The following MAGI2 variants were observed in gnomAD, a reference collection of about 807,000 sequenced individuals.
MAGI2 encodes membrane-associated guanylate kinase, WW and PDZ domain-containing protein 2.
Under a neutral mutation model 133.3 loss-of-function variants are expected in MAGI2, and 35 were observed. The ratio of observed to expected loss-of-function variants is 0.26; its 90% confidence interval spans 0.20 to 0.35. MAGI2 has a LOEUF of 0.35. Among genes scored for constraint, MAGI2 ranks in the 10% least tolerant of loss-of-function variants. The pLI, the probability that MAGI2 is intolerant of heterozygous loss-of-function variation, is 1.00. For synonymous variants in MAGI2, 729 were observed against 710.6 expected (o/e 1.03, Z -0.41); for missense variants, 1,636 against 1,863.4 (o/e 0.88, Z 2.25).
At chr7:79,308,324 G>A (rs558851134) in intron 1 of MAGI2, among the ~76,000 whole-genome samples, 6 of 152,198 alleles carry the variant, frequency 3.9e-5, no homozygotes, top group South Asian at 4.1e-4. Flanking sequence ...ACCAACATGC[G>A]TTCTCAGTAC....
At chr7:79,136,024 A>AGAAG (rs1355875679) in intron 1 of MAGI2, among the ~76,000 whole-genome samples, 67 of 126,948 alleles carry the variant, frequency 5.3e-4, no homozygotes, top group African/African-American at 1.5e-3. Flanking sequence ...AAAGAAAGAA[A>AGAAG]GAAGGAAAGA....
intron 10 of MAGI2, 168 bp downstream of exon 10, chr7:78,255,775 C>A: frequency 1.4e-6 from 1 of 723,276 alleles, no homozygotes; most frequent in South Asian, 1.7e-5. Flanking sequence ...ATTCTGAATT[C>A]AAAAACAAAG....
intron 3 of MAGI2, among the ~76,000 whole-genome samples, chr7:78,609,158 C>T (rs1038876281): frequency 8.5e-5 from 13 of 152,162 alleles, no homozygotes; most frequent in African/African-American, 2.4e-4. Flanking sequence ...AAGGGTGGGT[C>T]TGCCTTCCCC....
At chr7:78,544,339 A>G (rs1227379581) in intron 3 of MAGI2, among the ~76,000 whole-genome samples, 1 of 152,232 alleles carries the variant, frequency 6.6e-6, no homozygotes, top group African/African-American at 2.4e-5. Flanking sequence ...GAGTCAAGAC[A>G]TTGACTAAAA....
chr7:78,878,682 C>CTAGA (rs1795615424), intron 2 of MAGI2, among the ~76,000 whole-genome samples: 1 of 152,098 alleles, frequency 6.6e-6, no homozygotes, highest in African/African-American at 2.4e-5. Context: ...GATTATAAGT[C>CTAGA]TAGAGTGTGT....
At chr7:78,209,261 G>A (rs543909210) in intron 10 of MAGI2, among the ~76,000 whole-genome samples, 1 of 83,186 alleles carries the variant, frequency 1.2e-5, no homozygotes, top group Non-Finnish European at 2.3e-5. Context: ...GAACCTAAAA[G>A]TCATTCTTTT....
intron 10 of MAGI2, among the ~76,000 whole-genome samples, chr7:78,205,084 C>T (rs868391258): frequency 1.3e-5 from 2 of 152,214 alleles, no homozygotes; most frequent in Admixed American, 6.5e-5. Context: ...AAAGACAACA[C>T]TGATTTCATT....
chr7:79,395,560 G>T (rs1315160766), intron 1 of MAGI2, among the ~76,000 whole-genome samples: 1 of 152,050 alleles, frequency 6.6e-6, no homozygotes, highest in Non-Finnish European at 1.5e-5. Context: ...ACTGTATAGT[G>T]ACTCATATTA....
chr7:78,688,456 CA>C (rs774410214), intron 2 of MAGI2, among the ~76,000 whole-genome samples: 9 of 149,016 alleles, frequency 6.0e-5, no homozygotes, highest in Non-Finnish European at 1.2e-4. Flanking sequence ...TTTATGAAGA[CA>C]AAAAAAAATG....
At chr7:78,104,253 C>T (rs545280123) in intron 20 of MAGI2, among the ~76,000 whole-genome samples, 6 of 151,930 alleles carry the variant, frequency 3.9e-5, no homozygotes, top group Admixed American at 1.3e-4. Flanking sequence ...GATGGAGTCT[C>T]GCTCTGTCAC....
intron 2 of MAGI2, among the ~76,000 whole-genome samples, chr7:78,673,997 A>T (rs1279562036): frequency 6.6e-6 from 1 of 152,204 alleles, no homozygotes; most frequent in Non-Finnish European, 1.5e-5. Context: ...TAAATCAAAC[A>T]CAAACACAGT....
intron 2 of MAGI2, among the ~76,000 whole-genome samples, chr7:78,955,732 T>TCTTC (rs1562712851): frequency 1.5e-4 from 5 of 33,698 alleles, no homozygotes; most frequent in African/African-American, 3.6e-4. Flanking sequence ...TCTCTTTCTT[T>TCTTC]CTTTCTTTCT....
At chr7:79,270,962 G>A (rs1450473688) in intron 1 of MAGI2, among the ~76,000 whole-genome samples, 2 of 151,718 alleles carry the variant, frequency 1.3e-5, no homozygotes, top group African/African-American at 4.8e-5. Context: ...CACTATCTTG[G>A]TATTTTTTTC....
intron 2 of MAGI2, among the ~76,000 whole-genome samples, chr7:78,997,606 A>T (rs902652205): frequency 2.2e-5 from 3 of 134,010 alleles, no homozygotes; most frequent in Admixed American, 7.5e-5. Flanking sequence ...CATCTCAATT[A>T]AAAAAAAAAA....
chr7:78,222,049 C>G (rs1266641678), intron 10 of MAGI2, among the ~76,000 whole-genome samples: 1 of 151,962 alleles, frequency 6.6e-6, no homozygotes, highest in African/African-American at 2.4e-5. Context: ...GATCTTGTCT[C>G]TTAAAAAATC....
chr7:78,573,085 A>T (rs1801726246), intron 3 of MAGI2, among the ~76,000 whole-genome samples: 1 of 112,210 alleles, frequency 8.9e-6, no homozygotes, highest in African/African-American at 3.4e-5. Context: ...ATACACACAC[A>T]CACACACACG....
At chr7:78,859,353 G>C (rs1209809898) in intron 2 of MAGI2, among the ~76,000 whole-genome samples, 1 of 152,048 alleles carries the variant, frequency 6.6e-6, no homozygotes, top group Non-Finnish European at 1.5e-5. Flanking sequence ...TTTACAATTT[G>C]GCATGTTGTT....
At chr7:79,372,749 T>C (rs965920347) in intron 1 of MAGI2, among the ~76,000 whole-genome samples, 2 of 152,070 alleles carry the variant, frequency 1.3e-5, no homozygotes, top group Non-Finnish European at 2.9e-5. Context: ...ATTTTGACTA[T>C]AACTAAATAT....
rs1231162747 is a variant in MAGI2, at chr7:78,019,975, G to C, written c.3708C>G (p.Asp1236Glu). 2 of 1,602,096 alleles carry C rather than the reference G, an allele frequency of 1.2e-6. No homozygotes were observed. The highest frequency in any genetic ancestry group is 1.7e-6 in the Non-Finnish European group (2 of 1,176,004). The change falls in exon 22 of 22, where the codon GAC becomes GAG. Residue 1236 changes from aspartate to glutamate, a missense_variant and splice_region_variant. Asp to Glu is a conservative substitution (Grantham distance 45). Coordinates refer to ENST00000354212, the MANE Select transcript of MAGI2 (RefSeq NM_012301.4). ...CGGGAGAACTCCAGGGGGCGGGTTCGTCTGTGGACGGGAAGCACAGGCGTT... is the reference window on the plus strand; with the variant it reads ...CGGGAGAACTCCAGGGGGCGGGTTCCTCTGTGGACGGGAAGCACAGGCGTT... The part of the protein sequence containing the change: ...KRGTGQVPEY[D>E]EPAPWSSPAA...
Sources: allele counts gnomAD v4.1 joint callset (sites outside exome capture counted in the v4.1 genomes callset), GRCh38; gene constraint gnomAD v4.1.1; transcripts MANE v1.5; gene names NCBI Gene and HGNC (gene_info 2026-07-23, HGNC 2026-07-21).